The following SNTG1 variants were observed in gnomAD, a reference collection of about 807,000 sequenced individuals.
SNTG1 encodes gamma-1-syntrophin.
A neutral mutation model predicts 74.7 loss-of-function variants in SNTG1; 39 were observed. That is an observed-to-expected ratio of 0.52 (90% CI 0.40 to 0.68). SNTG1 has a LOEUF of 0.68. SNTG1 is among the 30% of genes least tolerant of loss of function. The probability of loss-of-function intolerance (pLI) is 0.00; values close to 1 mark genes in which losing one functional copy is unlikely to be tolerated. For missense variants in SNTG1, 685 were observed against 609.5 expected (o/e 1.12, Z -1.30); for synonymous variants, 254 against 217.1 (o/e 1.17, Z -1.49).
chr8:50,671,356 A>C (rs898816345), intron 15 of SNTG1, among the ~76,000 whole-genome samples: 2 of 149,250 alleles, frequency 1.3e-5, no homozygotes, highest in African/African-American at 4.9e-5. Context: ...AGAAAAAAAC[A>C]AACAACCCCA....
chr8:50,488,036 G>T (rs2093814385), intron 8 of SNTG1, among the ~76,000 whole-genome samples: 1 of 152,064 alleles, frequency 6.6e-6, no homozygotes, highest in Non-Finnish European at 1.5e-5. Flanking sequence ...TAAACAAATG[G>T]AGTCTTATTA....
chr8:50,556,962 A>T (rs2094459113), intron 12 of SNTG1, among the ~76,000 whole-genome samples: 1 of 152,146 alleles, frequency 6.6e-6, no homozygotes, highest in Admixed American at 6.6e-5. Context: ...CTGGCTCAAC[A>T]CACAAAGATG....
intron 9 of SNTG1, among the ~76,000 whole-genome samples, chr8:50,504,349 G>A (rs2093988898): frequency 2.0e-5 from 3 of 151,960 alleles, no homozygotes; most frequent in Admixed American, 2.0e-4. Context: ...ATATGTATTG[G>A]GTATATACCA....
chr8:50,521,420 A>T (rs1025864283), intron 9 of SNTG1, among the ~76,000 whole-genome samples: 2 of 152,150 alleles, frequency 1.3e-5, no homozygotes, highest in Non-Finnish European at 2.9e-5. Context: ...AGTACAATAA[A>T]AAATAATTTT....
Position 49,987,806 on chromosome 8 carries a change from G to A in SNTG1, c.-103+75575G>A, listed in dbSNP as rs184285233. On this transcript the variant is annotated intron_variant, in intron 1 of 18. Coordinates refer to ENST00000642720, the MANE Select transcript of SNTG1 (RefSeq NM_018967.5). ...TGGGACTACAGGCGCCCGCCACCAT[G>A]CCCAGCTAATTTTTTGTAATTTCGG... 2.0e-3 allele frequency among the ~76,000 whole-genome samples: 301 copies of A among 151,988 alleles called. 2 individuals are homozygous for A. The highest frequency in any genetic ancestry group is 6.9e-3 in the African/African-American group (284 of 41,434).
intron 1 of SNTG1, among the ~76,000 whole-genome samples, chr8:50,105,139 T>C (rs1471728065): frequency 1.3e-5 from 2 of 151,922 alleles, no homozygotes; most frequent in Non-Finnish European, 2.9e-5. Flanking sequence ...CCTAGGTTAC[T>C]TTCCAGGGCT....
At chr8:50,381,558 A>ATGTGTGTG (rs372674229) in intron 2 of SNTG1, among the ~76,000 whole-genome samples, 66 of 108,578 alleles carry the variant, frequency 6.1e-4, no homozygotes, top group South Asian at 1.5e-3. Context: ...CTAATAGGAT[A>ATGTGTGTG]TGTGTGTGTG....
chr8:50,291,821 T>C (rs2089128176), intron 2 of SNTG1, among the ~76,000 whole-genome samples: 1 of 152,092 alleles, frequency 6.6e-6, no homozygotes, highest in Admixed American at 6.6e-5. Flanking sequence ...GTAGAAGGCA[T>C]AGTTAGGATA....
At chr8:50,263,037 G>A (rs1281641900) in intron 2 of SNTG1, among the ~76,000 whole-genome samples, 1 of 152,068 alleles carries the variant, frequency 6.6e-6, no homozygotes, top group Non-Finnish European at 1.5e-5. Flanking sequence ...TTATAATGGT[G>A]GATACATGTC....
At chr8:50,143,082 T>G (rs2131479008) in intron 1 of SNTG1, among the ~76,000 whole-genome samples, 1 of 151,566 alleles carries the variant, frequency 6.6e-6, no homozygotes, top group Non-Finnish European at 1.5e-5. Context: ...TCAAAATAAA[T>G]AAATAAATAA....
At chr8:50,474,463 G>A (rs2093679320) in intron 8 of SNTG1, among the ~76,000 whole-genome samples, 1 of 151,530 alleles carries the variant, frequency 6.6e-6, no homozygotes, top group African/African-American at 2.4e-5. Flanking sequence ...GCAGCCAAAA[G>A]ACACATGAAA....
intron 2 of SNTG1, among the ~76,000 whole-genome samples, chr8:50,335,504 G>A (rs747986073): frequency 8.5e-5 from 13 of 152,168 alleles, no homozygotes; most frequent in Non-Finnish European, 1.3e-4. Context: ...GGTGGCTATC[G>A]CCAGGGCACT....
chr8:50,354,996 G>A (rs536497767), intron 2 of SNTG1, among the ~76,000 whole-genome samples: 16 of 152,252 alleles, frequency 1.1e-4, no homozygotes, highest in African/African-American at 3.4e-4. Context: ...TGAGATGCAC[G>A]TGTCTTTTAA....
chr8:50,137,732 G>T (rs1033092175), intron 1 of SNTG1, among the ~76,000 whole-genome samples: 4 of 152,128 alleles, frequency 2.6e-5, no homozygotes, highest in Admixed American at 2.6e-4. Context: ...AAGATTCCAG[G>T]AGACGTCCAG....
intron 2 of SNTG1, among the ~76,000 whole-genome samples, chr8:50,311,927 T>C (rs550280431): frequency 6.6e-5 from 10 of 152,334 alleles, no homozygotes; most frequent in African/African-American, 1.4e-4. Flanking sequence ...GCATTGTCTG[T>C]TCTCCTGGGA....
At chr8:50,195,288 C>T (rs552557246) in intron 2 of SNTG1, among the ~76,000 whole-genome samples, 14 of 152,066 alleles carry the variant, frequency 9.2e-5, no homozygotes, top group African/African-American at 2.9e-4. Flanking sequence ...TCACTCCCAC[C>T]GTGACCCCCA....
chr8:50,279,076 GCAAT>G (rs1190481802), intron 2 of SNTG1, among the ~76,000 whole-genome samples: 2 of 152,068 alleles, frequency 1.3e-5, no homozygotes, highest in African/African-American at 4.8e-5. Flanking sequence ...TATTCTTTAT[GCAAT>G]CAATTAATGA....
Position 49,927,040 on chromosome 8 carries a change from G to A in SNTG1, c.-103+14809G>A, listed in dbSNP as rs574480702. Among the ~76,000 whole-genome samples, 8 of 152,220 alleles carry A rather than the reference G, an allele frequency of 5.3e-5. No individual in the cohort carries two copies. The South Asian group carries it at 1.5e-3, about 28-fold the overall frequency. On this transcript the variant is annotated intron_variant, in intron 1 of 18. Coordinates refer to ENST00000642720, the MANE Select transcript of SNTG1 (RefSeq NM_018967.5). ...AAATTGCAAATTAAAACAACATTGA[G>A]ATGCCACTGCACAACAAAAAAATTA...
At chr8:50,538,644 G>A (rs2094324852) in intron 11 of SNTG1, among the ~76,000 whole-genome samples, 1 of 151,562 alleles carries the variant, frequency 6.6e-6, no homozygotes, top group African/African-American at 2.4e-5. Flanking sequence ...GACTAATTAT[G>A]ACGTATGTTG....
Sources: allele counts gnomAD v4.1 joint callset (sites outside exome capture counted in the v4.1 genomes callset), GRCh38; gene constraint gnomAD v4.1.1; transcripts MANE v1.5; gene names NCBI Gene and HGNC (gene_info 2026-07-23, HGNC 2026-07-21).